The following GARRE1 variants were observed in gnomAD, a reference collection of about 807,000 sequenced individuals.
The protein encoded by GARRE1 is granule associated Rac and RHOG effector 1.
A neutral mutation model predicts 103.2 loss-of-function variants in GARRE1; 49 were observed. The observed-to-expected ratio is 0.47, with a 90% CI of 0.38 to 0.60. GARRE1 has a LOEUF of 0.60. Among genes scored for constraint, GARRE1 ranks in the 20% least tolerant of loss-of-function variants. The pLI is 0.00. For synonymous variants in GARRE1, 505 were observed against 532.8 expected (o/e 0.95, Z 0.72); for missense variants, 1,199 against 1,370.5 (o/e 0.87, Z 1.98).
intron 8 of GARRE1, among the ~76,000 whole-genome samples, chr19:34,336,731 A>G (rs2074162804): frequency 6.6e-6 from 1 of 152,134 alleles, no homozygotes; most frequent in Non-Finnish European, 1.5e-5. Flanking sequence ...TGGCCTCCCA[A>G]AGTGCTGGGA....
chr19:34,299,239 C>T (rs1381247413), intron 1 of GARRE1, among the ~76,000 whole-genome samples: 1 of 152,180 alleles, frequency 6.6e-6, no homozygotes, highest in Non-Finnish European at 1.5e-5. Flanking sequence ...TCGTAACAAC[C>T]TTTTTGATTT....
In GARRE1 at chr19:34,352,888, C is replaced by T. The variant is rs779666941; in HGVS notation, c.3146C>T (p.Ala1049Val). 1.9e-6 allele frequency: 3 copies of T among 1,585,330 alleles called. No individual in the cohort carries two copies. Among genetic ancestry groups the T allele is most frequent in the Non-Finnish European group, 2.6e-6 (3 of 1,165,186 alleles). Residue 1049 changes from alanine (A) to valine (V), a missense_variant, in exon 14 of 14, where the codon GCA becomes GTA. Coordinates refer to ENST00000299505, the MANE Select transcript of GARRE1 (RefSeq NM_014686.5). ...QPPPPPAHKAAPKGFKAFPGK... is the reference protein window; with the variant it reads ...QPPPPPAHKAVPKGFKAFPGK... ...CCACCCCCACCAGCACACAAGGCAG[C>T]ACCCAAGGGCTTCAAGGCCTTCCCT...
intron 2 of GARRE1, among the ~76,000 whole-genome samples, chr19:34,314,545 A>G (rs1669264): frequency 0.47 from 71,830 of 152,110 alleles, 20,253 homozygotes; most frequent in Non-Finnish European, 0.63. Flanking sequence ...ATATGAGCTC[A>G]GAAACTGCCT....
In GARRE1 at chr19:34,300,346, C is replaced by T. The variant is rs2073970458; in HGVS notation, c.-128C>T. Reference sequence around the variant, plus strand: ...CATTGGATCACATGGTCACCTGCCTCATGGAAATGCCTTTTTTAAAACTTC... The same window carrying T: ...CATTGGATCACATGGTCACCTGCCTTATGGAAATGCCTTTTTTAAAACTTC... On this transcript the variant is annotated 5_prime_UTR_variant, in exon 2 of 14. Transcript: ENST00000299505. 9.5e-7 allele frequency: 1 copy of T among 1,054,796 alleles called. No individual in the cohort carries two copies. Among genetic ancestry groups the T allele is most frequent in the Non-Finnish European group, 1.4e-6 (1 of 736,372 alleles). 65.3% of individuals were successfully genotyped at this position (1,054,796 alleles called of 1,614,324 possible). A position where few individuals can be genotyped will look rare whatever the true frequency, so the allele number is the denominator to read the frequency against.
At chr19:34,276,725 T>C (rs2073819212) in intron 1 of GARRE1, among the ~76,000 whole-genome samples, 1 of 152,208 alleles carries the variant, frequency 6.6e-6, no homozygotes, top group African/African-American at 2.4e-5. Context: ...CAGTCACCTT[T>C]CAGGTGGAGA....
intron 3 of GARRE1, among the ~76,000 whole-genome samples, chr19:34,323,639 C>G (rs2074099368): frequency 6.6e-6 from 1 of 152,134 alleles, no homozygotes; most frequent in South Asian, 2.1e-4. Flanking sequence ...CAGACCTGCA[C>G]CTTGTTGCCT....
intron 1 of GARRE1, among the ~76,000 whole-genome samples, chr19:34,298,010 T>C (rs1335083328): frequency 6.6e-6 from 1 of 152,184 alleles, no homozygotes; most frequent in Non-Finnish European, 1.5e-5. Flanking sequence ...ATTATGGTAA[T>C]TGGCCATAAG....
At chr19:34,317,235 A>T (rs1302528459) in intron 2 of GARRE1, among the ~76,000 whole-genome samples, 3 of 152,192 alleles carry the variant, frequency 2.0e-5, no homozygotes, top group Non-Finnish European at 4.4e-5. Flanking sequence ...TGTCTTCCCC[A>T]TTAGAATGTC....
chr19:34,285,642 TG>T (rs2073881530), intron 1 of GARRE1, among the ~76,000 whole-genome samples: 2 of 151,732 alleles, frequency 1.3e-5, no homozygotes, highest in African/African-American at 4.8e-5. Context: ...AAAAAGAAAA[TG>T]ATAGATCTTG....
intron 1 of GARRE1, among the ~76,000 whole-genome samples, chr19:34,260,805 C>G (rs1043283361): frequency 2.0e-5 from 3 of 152,228 alleles, no homozygotes; most frequent in Admixed American, 2.0e-4. Context: ...TTCAACCAAA[C>G]TGACCCAGCT....
At chr19:34,261,762 C>T (rs2073719945) in intron 1 of GARRE1, among the ~76,000 whole-genome samples, 1 of 152,122 alleles carries the variant, frequency 6.6e-6, no homozygotes, top group Non-Finnish European at 1.5e-5. Context: ...AGGGAAATGA[C>T]ATTGGAAAGT....
At chr19:34,279,141 T>C (rs1359237399) in intron 1 of GARRE1, among the ~76,000 whole-genome samples, 1 of 152,224 alleles carries the variant, frequency 6.6e-6, no homozygotes, top group Non-Finnish European at 1.5e-5. Context: ...TCAGTTCTTT[T>C]GGGTAGATGC....
At chr19:34,328,421 C>T (rs1018401709) in intron 6 of GARRE1, among the ~76,000 whole-genome samples, 3 of 150,498 alleles carry the variant, frequency 2.0e-5, no homozygotes, top group Non-Finnish European at 3.0e-5. Flanking sequence ...CCCAGCTGTT[C>T]GGGAAGCTGA....
chr19:34,347,090 AT>A (rs1191719586), intron 10 of GARRE1, among the ~76,000 whole-genome samples: 592 of 137,876 alleles, frequency 4.3e-3, no homozygotes, highest in African/African-American at 7.5e-3. Context: ...CACCCAACTA[AT>A]TTTTTTTTTT....
chr19:34,273,306 G>A (rs948757236), intron 1 of GARRE1, among the ~76,000 whole-genome samples: 10 of 152,182 alleles, frequency 6.6e-5, no homozygotes, highest in African/African-American at 2.4e-4. Context: ...GATATCTAAA[G>A]CTCCAAGTAT....
chr19:34,330,889 C>T (rs1455835336), intron 7 of GARRE1, among the ~76,000 whole-genome samples: 5 of 145,008 alleles, frequency 3.4e-5, no homozygotes, highest in Non-Finnish European at 7.6e-5. Flanking sequence ...CACCCGCCAC[C>T]ACATCTGGCT....
At chr19:34,350,695 C>T (rs1252967590) in intron 12 of GARRE1, among the ~76,000 whole-genome samples, 1 of 152,146 alleles carries the variant, frequency 6.6e-6, no homozygotes, top group African/African-American at 2.4e-5. Context: ...CATTCTCCTG[C>T]CTCAGCCTCC....
At chr19:34,287,712 G>T (rs777790006) in intron 1 of GARRE1, among the ~76,000 whole-genome samples, 1 of 152,160 alleles carries the variant, frequency 6.6e-6, no homozygotes, top group Non-Finnish European at 1.5e-5. Flanking sequence ...TGCCAGCACT[G>T]TCAGGTTCTC....
chr19:34,316,013 A>G (rs927063897), intron 2 of GARRE1, among the ~76,000 whole-genome samples: 9 of 152,112 alleles, frequency 5.9e-5, no homozygotes, highest in Non-Finnish European at 4.4e-5. Flanking sequence ...TTTATCCACT[A>G]TTGTGGCTTC....
Sources: allele counts gnomAD v4.1 joint callset (sites outside exome capture counted in the v4.1 genomes callset), GRCh38; gene constraint gnomAD v4.1.1; transcripts MANE v1.5; gene names NCBI Gene and HGNC (gene_info 2026-07-23, HGNC 2026-07-21).